The following IL33 variants were observed in gnomAD, a reference collection of about 807,000 sequenced individuals.
IL33 encodes the protein interleukin-33.
In IL33, 37 loss-of-function variants were observed where a neutral mutation model predicts 27.3. That is an observed-to-expected ratio of 1.36 (90% confidence interval 1.04 to 1.78). The LOEUF (loss-of-function observed/expected upper bound fraction) is 1.78. Ranked by LOEUF, IL33 falls within the 40% of genes most tolerant of loss-of-function variation. The pLI is 0.00. For missense variants in IL33, 406 were observed against 311.4 expected (o/e 1.30, Z -2.29); for synonymous variants, 132 against 102.9 (o/e 1.28, Z -1.71).
Position 6,256,205 on chromosome 9 carries a change from A to G in IL33, c.*37A>G, listed in dbSNP as rs781370345. On this transcript the variant is annotated 3_prime_UTR_variant, in exon 8 of 8. Transcript: ENST00000682010. ...CTGTGAGTCTTGGGTTGAGTACCCAAATGCTACCACTGGAGAAGGAATGAG... is the reference window on the plus strand; with the variant it reads ...CTGTGAGTCTTGGGTTGAGTACCCAGATGCTACCACTGGAGAAGGAATGAG... The G allele has an allele frequency of 1.4e-6, 2 of 1,443,656 alleles. No homozygotes were observed. The highest frequency in any genetic ancestry group is 1.9e-6 in the Non-Finnish European group (2 of 1,027,714). The allele number at this position is 1,443,656 out of a possible 1,614,324, so 89.4% of individuals were successfully genotyped here.
intron 7 of IL33, among the ~76,000 whole-genome samples, chr9:6,255,551 AAAT>A (rs1231033297): frequency 1.3e-5 from 2 of 152,166 alleles, no homozygotes; most frequent in Non-Finnish European, 2.9e-5. Context: ...TAGTGCCTCA[AAAT>A]AATAATCATT....
Position 6,241,706 on chromosome 9 carries a change from A to G in IL33, c.12A>G (p.Lys4=), listed in dbSNP as rs1368380523. The G allele has an allele frequency of 6.2e-7, 1 of 1,606,666 alleles. No individual in the cohort carries two copies. The highest frequency in any genetic ancestry group is 1.1e-5 in the South Asian group (1 of 90,086). The change falls in exon 2 of 8, where the codon AAA becomes AAG. Residue 4 remains lysine, a synonymous_variant. Transcript: ENST00000682010. ...CAGAATACTGAAAAATGAAGCCTAA[A>G]ATGAAGTATTCAACCAACAAAATTT... The part of the protein sequence containing the change: MKP[K]MKYSTNKIST...
At chr9:6,253,872 C>T (rs989412350) in intron 6 of IL33, among the ~76,000 whole-genome samples, 1 of 152,182 alleles carries the variant, frequency 6.6e-6, no homozygotes, top group African/African-American at 2.4e-5. Context: ...TTAGCCAGGG[C>T]TGCAATGGCT....
chr9:6,252,989 A>C lies in IL33; in HGVS notation c.467A>C (p.Lys156Thr). 1 of 1,505,114 alleles carries C rather than the reference A, an allele frequency of 6.6e-7. No individual in the cohort carries two copies. Among genetic ancestry groups the C allele is most frequent in the Non-Finnish European group, 9.0e-7 (1 of 1,105,778 alleles). 93.2% of individuals were successfully genotyped at this position (1,505,114 alleles called of 1,614,324 possible). A position where few individuals can be genotyped will look rare whatever the true frequency, so the allele number is the denominator to read the frequency against. ...GAAGACTTGAAAAAAGATGAAAAGAAAGGTAGATTATTTTCTTTTTCTATA... is the reference window on the plus strand; with the variant it reads ...GAAGACTTGAAAAAAGATGAAAAGACAGGTAGATTATTTTCTTTTTCTATA... ...YVEDLKKDEKKDKVLLSYYES... is the reference protein window; with the variant it reads ...YVEDLKKDEKTDKVLLSYYES... Residue 156 changes from lysine (K) to threonine (T), a missense_variant and splice_region_variant, in exon 5 of 8, where the codon AAA (lysine) becomes ACA (threonine). Coordinates refer to ENST00000682010, the MANE Select transcript of IL33 (RefSeq NM_033439.4).
intron 1 of IL33, among the ~76,000 whole-genome samples, chr9:6,233,889 T>A (rs1035440423): frequency 6.6e-6 from 1 of 152,142 alleles, no homozygotes; most frequent in Non-Finnish European, 1.5e-5. Context: ...ACTTCCTCCT[T>A]CTCCACTCTG....
chr9:6,222,979 C>T (rs114572219), intron 1 of IL33, among the ~76,000 whole-genome samples: 8 of 152,148 alleles, frequency 5.3e-5, no homozygotes, highest in African/African-American at 1.9e-4. Context: ...AGTGTAAGTT[C>T]TGGAGAAAAA....
intron 2 of IL33, chr9:6,242,232 T>A (rs985733581): frequency 1.3e-5 from 2 of 152,380 alleles, no homozygotes; most frequent in Non-Finnish European, 2.9e-5. Flanking sequence ...AAGAAGAGAA[T>A]AACAGATGAA....
intron 2 of IL33, among the ~76,000 whole-genome samples, chr9:6,248,443 A>G (rs1820006275): frequency 6.6e-6 from 1 of 151,930 alleles, no homozygotes; most frequent in African/African-American, 2.4e-5. Flanking sequence ...GGTTTGTTAT[A>G]AAAGTGAGTT....
At chr9:6,224,792 C>G (rs1057501185) in intron 1 of IL33, among the ~76,000 whole-genome samples, 1 of 152,114 alleles carries the variant, frequency 6.6e-6, no homozygotes, top group East Asian at 1.9e-4. Flanking sequence ...CATTACCTAC[C>G]CTTGCAAACT....
chr9:6,226,378 T>C (rs1330086271), intron 1 of IL33, among the ~76,000 whole-genome samples: 1 of 152,116 alleles, frequency 6.6e-6, no homozygotes, highest in Non-Finnish European at 1.5e-5. Context: ...TTAGGATCTT[T>C]CAACAATTCT....
chr9:6,252,262 T>C (rs1407493264), intron 4 of IL33, among the ~76,000 whole-genome samples: 1 of 152,102 alleles, frequency 6.6e-6, no homozygotes, highest in African/African-American at 2.4e-5. Context: ...TAATATTTTG[T>C]ATACTATTTT....
intron 6 of IL33, among the ~76,000 whole-genome samples, 166 bp downstream of exon 6, chr9:6,253,768 T>C (rs775734473): frequency 6.6e-5 from 10 of 152,180 alleles, no homozygotes; most frequent in Non-Finnish European, 1.3e-4. Flanking sequence ...TGCATTCTCA[T>C]CCATTTTACA....
chr9:6,252,817 G>C, intron 4 of IL33, 49 bp from the exon 5 acceptor site: 1 of 1,583,964 alleles, frequency 6.3e-7, no homozygotes. Context: ...TTTTTAAAAA[G>C]GTTGCCAAAA....
chr9:6,236,018 TACACACACACACAC>T (rs61318432), intron 1 of IL33, among the ~76,000 whole-genome samples: 13 of 139,694 alleles, frequency 9.3e-5, no homozygotes, highest in South Asian at 7.1e-4. Flanking sequence ...CCCACACCCA[TACACACACACACAC>T]ACACACACAC....
intron 2 of IL33, chr9:6,242,664 C>T (rs890481989): frequency 6.6e-6 from 1 of 152,124 alleles, no homozygotes; most frequent in African/African-American, 2.4e-5. Flanking sequence ...AGAATGATGT[C>T]TTTTGTTTCC....
chr9:6,250,880 T>G (rs530245936), intron 3 of IL33, among the ~76,000 whole-genome samples: 26 of 152,294 alleles, frequency 1.7e-4, no homozygotes, highest in Non-Finnish European at 3.4e-4. Flanking sequence ...TTAAAGGAAA[T>G]AGGTTTAAGC....
intron 7 of IL33, 26 bp from the exon 8 acceptor site, chr9:6,255,942 G>A: frequency 1.3e-6 from 2 of 1,597,374 alleles, no homozygotes; most frequent in Non-Finnish European, 1.7e-6. Context: ...TTCACATATG[G>A]ATTGCTTTCT....
intron 4 of IL33, 125 bp from the exon 5 acceptor site, chr9:6,252,741 T>C: frequency 8.9e-7 from 1 of 1,127,636 alleles, no homozygotes; most frequent in Non-Finnish European, 1.3e-6. Context: ...ATCAAAGGCT[T>C]TAATCTAGCC....
intron 1 of IL33, among the ~76,000 whole-genome samples, chr9:6,239,547 C>T (rs1188511118): frequency 6.6e-6 from 1 of 152,040 alleles, no homozygotes; most frequent in Non-Finnish European, 1.5e-5. Context: ...TCCCCACTAG[C>T]TCATTTATAA....
Sources: gnomAD v4.1 joint callset for allele counts (sites outside exome capture counted in the v4.1 genomes callset) on GRCh38, gnomAD v4.1.1 for gene constraint, MANE v1.5 for transcripts, NCBI Gene and HGNC (gene_info 2026-07-23, HGNC 2026-07-21) for gene names.